OCA2: variants seen among roughly 807,000 people sequenced by gnomAD.
OCA2 encodes P protein.
Under a neutral mutation model 100.2 loss-of-function variants are expected in OCA2, and 77 were observed. That is an observed-to-expected ratio of 0.77 (90% confidence interval 0.64 to 0.93). The LOEUF is 0.93. Among genes scored for constraint, OCA2 ranks in the 40% least tolerant of loss-of-function variants. The pLI is 0.00. For missense variants in OCA2, 1,062 were observed against 1,089.1 expected (o/e 0.98, Z 0.35); for synonymous variants, 432 against 439.2 (o/e 0.98, Z 0.21).
intron 6 of OCA2, 125 bp from the exon 7 acceptor site, chr15:28,018,682 C>T (rs2042485725): frequency 4.6e-6 from 4 of 878,520 alleles, no homozygotes; most frequent in East Asian, 5.3e-5. Flanking sequence ...GCCCCACGCC[C>T]TTGGCCATTA....
chr15:27,787,591 T>G (rs529129909), intron 23 of OCA2, among the ~76,000 whole-genome samples: 19 of 152,114 alleles, frequency 1.2e-4, no homozygotes, highest in African/African-American at 4.3e-4. Flanking sequence ...GGTAGTAATG[T>G]CTCATCTTTC....
chr15:28,076,903 A>G (rs1047621688), intron 2 of OCA2, among the ~76,000 whole-genome samples: 46 of 152,004 alleles, frequency 3.0e-4, no homozygotes, highest in African/African-American at 1.1e-3. Context: ...TCAATCTGAC[A>G]ACCAATTGTA....
chr15:27,788,980 T>C (rs1361457397), intron 23 of OCA2, among the ~76,000 whole-genome samples: 3 of 152,154 alleles, frequency 2.0e-5, no homozygotes, highest in African/African-American at 4.8e-5. Context: ...CTAGAGATTC[T>C]GCTCTAAGGT....
At chr15:27,919,709 T>C (rs2038790584) in intron 19 of OCA2, among the ~76,000 whole-genome samples, 1 of 152,192 alleles carries the variant, frequency 6.6e-6, no homozygotes, top group Admixed American at 6.5e-5. Flanking sequence ...CATGTCATTA[T>C]ACCTTGTCCA....
At chr15:27,947,238 CA>C (rs2039870866) in intron 18 of OCA2, among the ~76,000 whole-genome samples, 1 of 152,220 alleles carries the variant, frequency 6.6e-6, no homozygotes, top group African/African-American at 2.4e-5. Flanking sequence ...TCAAGAGGCC[CA>C]AGGGGAAAGC....
At chr15:27,928,411 G>T (rs2703968) in intron 18 of OCA2, among the ~76,000 whole-genome samples, 107,023 of 151,882 alleles carry the variant, frequency 0.7, 38,511 homozygotes, top group East Asian at 1. Context: ...GACTATAGAT[G>T]CTATAGATAT....
rs866199796 is a variant in OCA2, at chr15:28,032,804, A to C, written c.228-641T>G. Among the ~76,000 whole-genome samples, 114 of 151,916 alleles carry C rather than the reference A, an allele frequency of 7.5e-4. 1 individual carries two copies. The highest frequency in any genetic ancestry group is 2.7e-3 in the African/African-American group (112 of 41,442). On this transcript the variant is annotated intron_variant, in intron 2 of 23. Transcript: ENST00000354638. Reference sequence around the variant, plus strand: ...CGAGACTCTGTCTCAAAAAAAAAAAAAAAAACAAAACAAAAAAACATTCAG... The same window carrying C: ...CGAGACTCTGTCTCAAAAAAAAAAACAAAAACAAAACAAAAAAACATTCAG...
chr15:28,086,321 G>A (rs1009639244), intron 1 of OCA2, among the ~76,000 whole-genome samples: 3 of 152,178 alleles, frequency 2.0e-5, no homozygotes, highest in African/African-American at 7.2e-5. Context: ...CAGTAATGAG[G>A]TGTCCCACCC....
intron 23 of OCA2, among the ~76,000 whole-genome samples, chr15:27,797,409 C>T (rs2033390016): frequency 6.6e-6 from 1 of 152,128 alleles, no homozygotes; most frequent in African/African-American, 2.4e-5. Context: ...GTTGGCTGTG[C>T]TAGACCTTGA....
chr15:27,824,602 C>CTCTCTCTCTCTCTCTCTATATATA lies in OCA2; in HGVS notation c.2432+20356_2432+20357insTATATATAGAGAGAGAGAGAGAGA. On this transcript the variant is annotated intron_variant, in intron 23 of 23. Transcript: ENST00000354638. ...TTTCTCTCTCTCTCTCTCTCTCTCT[C>CTCTCTCTCTCTCTCTCTATATATA]TATATATATATATATATATAATATA... Among the ~76,000 whole-genome samples the CTCTCTCTCTCTCTCTCTATATATA allele has an allele frequency of 7.0e-3, 332 of 47,500 alleles. 11 individuals are homozygous for CTCTCTCTCTCTCTCTCTATATATA. The East Asian group carries it at 0.074, about 11-fold the overall frequency. 31.2% of individuals were successfully genotyped at this position (47,500 alleles called of 152,430 possible).
At chr15:27,796,961 C>A (rs1371612187) in intron 23 of OCA2, among the ~76,000 whole-genome samples, 1 of 152,098 alleles carries the variant, frequency 6.6e-6, no homozygotes, top group Non-Finnish European at 1.5e-5. Flanking sequence ...AGAGGATTCT[C>A]CCAACCTCAC....
the OCA2 span, among the ~76,000 whole-genome samples, chr15:27,724,490 A>G: frequency 2.2e-3 from 336 of 152,170 alleles, 6 homozygotes; most frequent in Admixed American, 0.019. Context: ...TTAAGACCCT[A>G]TCTCCAAATA....
chr15:28,061,430 A>AG (rs1267756590), intron 2 of OCA2, among the ~76,000 whole-genome samples: 1 of 152,230 alleles, frequency 6.6e-6, no homozygotes, highest in Admixed American at 6.5e-5. Flanking sequence ...AGCCCTGGGA[A>AG]GGGGGAAGAA....
intron 9 of OCA2, among the ~76,000 whole-genome samples, chr15:27,996,110 C>T (rs909621963): frequency 3.3e-5 from 5 of 151,960 alleles, no homozygotes; most frequent in Admixed American, 1.3e-4. Flanking sequence ...CACACCCAGC[C>T]GCAACACACT....
chr15:28,086,042 C>T (rs1439915620), intron 1 of OCA2, among the ~76,000 whole-genome samples: 2 of 152,210 alleles, frequency 1.3e-5, no homozygotes, highest in Non-Finnish European at 2.9e-5. Flanking sequence ...AGGGATGCTT[C>T]GCAAAAGGCT....
chr15:27,922,536 G>A (rs907329898), intron 19 of OCA2, among the ~76,000 whole-genome samples: 1 of 152,192 alleles, frequency 6.6e-6, no homozygotes, highest in Admixed American at 6.5e-5. Flanking sequence ...ATGGTACCAT[G>A]TACTGTCTGT....
At chr15:27,737,708 A>G in the OCA2 span, among the ~76,000 whole-genome samples, 1 of 152,230 alleles carries the variant, frequency 6.6e-6, no homozygotes, top group African/African-American at 2.4e-5. Context: ...TTAGGACACA[A>G]AAAGCACTAA....
intron 22 of OCA2, among the ~76,000 whole-genome samples, chr15:27,847,796 G>C (rs2035591438): frequency 6.6e-6 from 1 of 152,230 alleles, no homozygotes; most frequent in African/African-American, 2.4e-5. Flanking sequence ...AGGTATTTGT[G>C]ATAGTAGGGA....
At chr15:27,755,592 CT>C in intron 23 of OCA2, 120 bp from the exon 24 acceptor site, 1 of 742,972 alleles carries the variant, frequency 1.3e-6, no homozygotes, top group Non-Finnish European at 2.4e-6. Context: ...TGGCCACTAC[CT>C]TTTATTTCCA....
Sources: allele counts gnomAD v4.1 joint callset (sites outside exome capture counted in the v4.1 genomes callset), GRCh38; gene constraint gnomAD v4.1.1; transcripts MANE v1.5; gene names NCBI Gene and HGNC (gene_info 2026-07-23, HGNC 2026-07-21).